PTPRD: variants seen among roughly 807,000 people sequenced by gnomAD.
PTPRD encodes the protein receptor-type tyrosine-protein phosphatase delta.
Under a neutral mutation model 214.5 loss-of-function variants are expected in PTPRD, and 34 were observed. That is an observed-to-expected ratio of 0.16 (90% CI 0.12 to 0.21). The LOEUF (loss-of-function observed/expected upper bound fraction) is 0.21, where lower values mean the gene tolerates loss of function less well. Ranked by LOEUF, PTPRD falls within the 10% of genes least tolerant of loss-of-function variation. The pLI, the probability that PTPRD is intolerant of heterozygous loss-of-function variation, is 1.00. For synonymous variants in PTPRD, 1,128 were observed against 845.7 expected (o/e 1.33, Z -5.79); for missense variants, 2,545 against 2,398.7 (o/e 1.06, Z -1.27).
At chr9:9,721,699 A>T (rs772131525) in intron 7 of PTPRD, among the ~76,000 whole-genome samples, 3 of 152,142 alleles carry the variant, frequency 2.0e-5, no homozygotes, top group Non-Finnish European at 4.4e-5. Context: ...TGATAAAATT[A>T]TTAAAGAGAT....
At chr9:9,019,080 T>C (rs1229048231) in intron 10 of PTPRD, among the ~76,000 whole-genome samples, 3 of 152,004 alleles carry the variant, frequency 2.0e-5, no homozygotes, top group Admixed American at 6.6e-5. Flanking sequence ...AAAACAAACT[T>C]GTGCTAGAAA....
intron 11 of PTPRD, among the ~76,000 whole-genome samples, chr9:8,750,570 G>T (rs1476328400): frequency 1.3e-5 from 2 of 152,118 alleles, no homozygotes; most frequent in Non-Finnish European, 2.9e-5. Context: ...TTTAGAATAG[G>T]GTGACAGGAA....
At chr9:10,249,449 T>G (rs1372184210) in intron 3 of PTPRD, among the ~76,000 whole-genome samples, 1 of 152,142 alleles carries the variant, frequency 6.6e-6, no homozygotes, top group Non-Finnish European at 1.5e-5. Context: ...AGATCGGACC[T>G]CAAAATGTCC....
At chr9:9,255,633 G>A (rs887158549) in intron 9 of PTPRD, among the ~76,000 whole-genome samples, 1 of 152,026 alleles carries the variant, frequency 6.6e-6, no homozygotes, top group African/African-American at 2.4e-5. Context: ...ACAAAGAGAT[G>A]CTAAGAATTA....
intron 10 of PTPRD, among the ~76,000 whole-genome samples, chr9:9,047,918 G>T (rs2154390452): frequency 6.6e-6 from 1 of 151,938 alleles, no homozygotes; most frequent in African/African-American, 2.4e-5. Context: ...CAAAGCAAAG[G>T]AAACAATCAA....
chr9:10,242,475 G>A (rs149815464), intron 3 of PTPRD, among the ~76,000 whole-genome samples: 11 of 152,006 alleles, frequency 7.2e-5, no homozygotes, highest in Middle Eastern at 3.4e-3. Flanking sequence ...ATATGAATTA[G>A]ATCACAGGTA....
intron 8 of PTPRD, among the ~76,000 whole-genome samples, chr9:9,421,956 CACAA>C (rs769496947): frequency 3.3e-5 from 5 of 150,532 alleles, no homozygotes; most frequent in Non-Finnish European, 7.4e-5. Flanking sequence ...ACAACAATAA[CACAA>C]ACAAAAACTG....
At chr9:9,897,934 G>C (rs1474054341) in intron 5 of PTPRD, among the ~76,000 whole-genome samples, 1 of 151,446 alleles carries the variant, frequency 6.6e-6, no homozygotes, top group Non-Finnish European at 1.5e-5. Flanking sequence ...TGACGGCAGT[G>C]TAAAAAGGCC....
intron 3 of PTPRD, among the ~76,000 whole-genome samples, chr9:10,041,224 G>A (rs911555036): frequency 1.3e-5 from 2 of 151,846 alleles, no homozygotes; most frequent in Non-Finnish European, 2.9e-5. Flanking sequence ...TTTGTCATTT[G>A]AGACATGTGT....
chr9:10,428,772 T>C (rs1405959059), intron 2 of PTPRD, among the ~76,000 whole-genome samples: 2 of 151,324 alleles, frequency 1.3e-5, no homozygotes, highest in Non-Finnish European at 3.0e-5. Flanking sequence ...TGAGTGACTG[T>C]ATTTGTGAGG....
intron 9 of PTPRD, among the ~76,000 whole-genome samples, chr9:9,253,974 T>C (rs763745380): frequency 6.6e-6 from 1 of 152,108 alleles, no homozygotes; most frequent in Non-Finnish European, 1.5e-5. Context: ...ATCACTCCAG[T>C]GTCTGCTTCG....
chr9:8,436,731 G>T, intron 34 of PTPRD, 42 bp from the exon 35 acceptor site: 1 of 1,476,404 alleles, frequency 6.8e-7, no homozygotes, highest in Non-Finnish European at 9.4e-7. Flanking sequence ...GAAAACAAAT[G>T]AAAATGATGC....
At chr9:9,888,015 A>G (rs755754520) in intron 5 of PTPRD, among the ~76,000 whole-genome samples, 1 of 152,164 alleles carries the variant, frequency 6.6e-6, no homozygotes, top group Non-Finnish European at 1.5e-5. Context: ...GGGCAAGACA[A>G]TGACCTGGGG....
intron 3 of PTPRD, among the ~76,000 whole-genome samples, chr9:10,247,808 A>T (rs2092328942): frequency 1.3e-5 from 2 of 152,278 alleles, no homozygotes; most frequent in South Asian, 4.2e-4. Flanking sequence ...GAAAGAAGAC[A>T]AATAAATACA....
chr9:9,065,086 T>C (rs1160665746), intron 10 of PTPRD, among the ~76,000 whole-genome samples: 1 of 152,198 alleles, frequency 6.6e-6, no homozygotes, highest in African/African-American at 2.4e-5. Context: ...GAGCTGGGGA[T>C]ATAACAATAT....
intron 5 of PTPRD, among the ~76,000 whole-genome samples, chr9:9,815,645 C>A (rs1051591165): frequency 6.6e-6 from 1 of 152,002 alleles, no homozygotes; most frequent in African/African-American, 2.4e-5. Context: ...CCAGATACAG[C>A]AAGATACATA....
chr9:9,719,962 C>T (rs2097907219), intron 7 of PTPRD, among the ~76,000 whole-genome samples: 1 of 152,136 alleles, frequency 6.6e-6, no homozygotes, highest in African/African-American at 2.4e-5. Flanking sequence ...CTGGCAGGAC[C>T]CCACGCTTGA....
intron 10 of PTPRD, among the ~76,000 whole-genome samples, chr9:9,142,963 C>T (rs1263406460): frequency 6.6e-6 from 1 of 152,042 alleles, no homozygotes; most frequent in Non-Finnish European, 1.5e-5. Context: ...TTGCCAAAGA[C>T]CCTACCTGTA....
chr9:8,518,219 A>G lies in PTPRD; in HGVS notation c.1172T>C (p.Phe391Ser), dbSNP rs1302102538. 6.2e-7 allele frequency: 1 copy of G among 1,614,038 alleles called. No individual in the cohort carries two copies. The highest frequency in any genetic ancestry group is 1.3e-5 in the African/African-American group (1 of 74,920). Residue 391 changes from phenylalanine (F) to serine (S), a missense_variant, in exon 21 of 46, where the codon TTC becomes TCC. Phe to Ser is a radical substitution (Grantham distance 155, BLOSUM62 -2). Coordinates refer to ENST00000381196, the MANE Select transcript of PTPRD (RefSeq NM_002839.4). ...AATGTTATTGACAGCAACAACCCTG[A>G]ATTCATAATCCGAGTAGGGACTTAG... ...AGLSPYSDYE[F>S]RVVAVNNIGR...
Sources: allele counts gnomAD v4.1 joint callset (sites outside exome capture counted in the v4.1 genomes callset), GRCh38; gene constraint gnomAD v4.1.1; transcripts MANE v1.5; gene names NCBI Gene and HGNC (gene_info 2026-07-23, HGNC 2026-07-21).